Variants in RAB8A observed in about 807,000 individuals in gnomAD.
The protein encoded by RAB8A is ras-related protein Rab-8A.
In RAB8A, 5 loss-of-function variants were observed where a neutral mutation model predicts 29.2. That is an observed-to-expected ratio of 0.17 (90% confidence interval 0.09 to 0.36). RAB8A has a LOEUF of 0.36. Ranked by LOEUF, RAB8A falls within the 10% of genes least tolerant of loss-of-function variation. The probability of loss-of-function intolerance (pLI) is 1.00; values close to 1 mark genes in which losing one functional copy is unlikely to be tolerated. For missense variants in RAB8A, 171 were observed against 272.2 expected (o/e 0.63, Z 2.62); for synonymous variants, 108 against 99.9 (o/e 1.08, Z -0.49).
At chr19:16,112,275 T>A (rs542019171) in intron 1 of RAB8A, 5 of 513,864 alleles carry the variant, frequency 9.7e-6, no homozygotes, top group Middle Eastern at 5.3e-4. Flanking sequence ...CGTTAGGGCG[T>A]GTTATGTCTT....
chr19:16,117,894 G>T (rs2090853629), intron 1 of RAB8A, among the ~76,000 whole-genome samples: 1 of 152,144 alleles, frequency 6.6e-6, no homozygotes, highest in African/African-American at 2.4e-5. Flanking sequence ...GGGGAGCAAG[G>T]GACTCAGGCC....
intron 1 of RAB8A, among the ~76,000 whole-genome samples, chr19:16,117,188 T>C (rs2090849959): frequency 1.3e-5 from 2 of 152,150 alleles, no homozygotes; most frequent in African/African-American, 2.4e-5. Context: ...GTGGACATAC[T>C]AGAAAGTTTG....
chr19:16,115,633 T>C (rs987955984), intron 1 of RAB8A, among the ~76,000 whole-genome samples: 3 of 152,192 alleles, frequency 2.0e-5, no homozygotes, highest in African/African-American at 7.2e-5. Flanking sequence ...CCAGCCATAT[T>C]TTGCCAGTGT....
chr19:16,124,893 CTAG>C (rs2090892042), intron 3 of RAB8A: 2 of 170,030 alleles, frequency 1.2e-5, no homozygotes, highest in Non-Finnish European at 2.6e-5. Flanking sequence ...TTGCTCACGT[CTAG>C]GTTAGGGAAC....
chr19:16,125,418 C>T lies in RAB8A; in HGVS notation c.247-52C>T, dbSNP rs1382609080. 50 of 1,524,330 alleles carry T rather than the reference C, an allele frequency of 3.3e-5. No homozygotes were observed. The highest frequency in any genetic ancestry group is 4.4e-5 in the Non-Finnish European group (48 of 1,102,556). 94.4% of individuals were successfully genotyped at this position (1,524,330 alleles called of 1,614,324 possible). A position where few individuals can be genotyped will look rare whatever the true frequency, so the allele number is the denominator to read the frequency against. ...TGTTCTCTGGTGCCGCTGAGGCCTC[C>T]CTTCCAGAGCCTGCAGCCGATCAGG... On this transcript the variant is annotated intron_variant, in intron 3 of 7. Coordinates refer to ENST00000300935, the MANE Select transcript of RAB8A (RefSeq NM_005370.5). This position sits in a 1 kb window ranked among gnomAD's most constrained non-coding sequence, Gnocchi z 5.0.
intron 1 of RAB8A, among the ~76,000 whole-genome samples, chr19:16,114,680 G>C (rs1350780698): frequency 3.4e-5 from 5 of 149,204 alleles, no homozygotes; most frequent in African/African-American, 1.2e-4. Context: ...GAGCCACCGC[G>C]CCCAGCCCAA....
chr19:16,118,212 C>G lies in RAB8A; in HGVS notation c.125-14C>G. ...GGGCTGACAGTGACGTGCCTTTTTT[C>G]TTTTTTCTTTCAGGAATTGACTTTA... On this transcript the variant is annotated splice_polypyrimidine_tract_variant and intron_variant, in intron 1 of 7. Coordinates refer to ENST00000300935, the MANE Select transcript of RAB8A (RefSeq NM_005370.5). The G allele has an allele frequency of 6.2e-7, 1 of 1,604,290 alleles. No individual in the cohort carries two copies.
chr19:16,120,341 C>G (rs1259201086), intron 2 of RAB8A, among the ~76,000 whole-genome samples: 1 of 124,240 alleles, frequency 8.0e-6, no homozygotes, highest in Non-Finnish European at 1.7e-5. Flanking sequence ...TTGACAAAGT[C>G]TCACTCTGTC....
At chr19:16,118,910 A>G (rs2090859716) in intron 2 of RAB8A, among the ~76,000 whole-genome samples, 1 of 152,188 alleles carries the variant, frequency 6.6e-6, no homozygotes, top group African/African-American at 2.4e-5. Flanking sequence ...GCCTGATTCT[A>G]GTTTGCTGAG....
intron 1 of RAB8A, chr19:16,112,313 CGATCTGTCCTA>C: frequency 2.3e-6 from 1 of 440,948 alleles, no homozygotes; most frequent in South Asian, 2.3e-5. Flanking sequence ...CCCGTCCTCT[CGATCTGTCCTA>C]GCAGCAGCCC....
At chr19:16,113,004 G>C (rs747744447) in intron 1 of RAB8A, among the ~76,000 whole-genome samples, 1 of 152,168 alleles carries the variant, frequency 6.6e-6, no homozygotes, top group Non-Finnish European at 1.5e-5. Context: ...CTATCAAAGG[G>C]CCCAAGACTC....
intron 2 of RAB8A, among the ~76,000 whole-genome samples, 163 bp from the exon 3 acceptor site, chr19:16,121,587 C>T (rs2090875563): frequency 6.6e-6 from 1 of 152,160 alleles, no homozygotes; most frequent in African/African-American, 2.4e-5. Flanking sequence ...AGTGTCCTTC[C>T]CTGTAATAAT....
intron 1 of RAB8A, among the ~76,000 whole-genome samples, chr19:16,113,657 C>A (rs137961216): frequency 4.9e-4 from 75 of 152,330 alleles, no homozygotes; most frequent in African/African-American, 1.8e-3. Flanking sequence ...GCCTTGGCAT[C>A]CCAAAGTGCT....
At chr19:16,126,384 T>C (rs1222765253) in intron 4 of RAB8A, 1 of 152,618 alleles carries the variant, frequency 6.6e-6, no homozygotes, top group Non-Finnish European at 1.5e-5. Flanking sequence ...GAGAGCCTGG[T>C]CTTTGTGAAA....
At chr19:16,117,986 C>G (rs532178860) in intron 1 of RAB8A, among the ~76,000 whole-genome samples, 1 of 152,258 alleles carries the variant, frequency 6.6e-6, no homozygotes, top group South Asian at 2.1e-4. Context: ...GGGACAAGAG[C>G]AGGGCTTTGC....
chr19:16,114,273 AT>A (rs200492517), intron 1 of RAB8A, among the ~76,000 whole-genome samples: 7 of 152,106 alleles, frequency 4.6e-5, no homozygotes, highest in East Asian at 1.9e-4. Context: ...GTCTTAAAAA[AT>A]AATAATAAAA....
chr19:16,127,367 C>A lies in RAB8A; in HGVS notation c.325-70C>A. 1 of 1,026,476 alleles carries A rather than the reference C, an allele frequency of 9.7e-7. No homozygotes were observed. Among genetic ancestry groups the A allele is most frequent in the Non-Finnish European group, 1.3e-6 (1 of 746,096 alleles). 63.6% of individuals were successfully genotyped at this position (1,026,476 alleles called of 1,614,324 possible). ...CACCGCTCTGATTTCTGGGGACAGA[C>A]TGTGTGTTGGCAGAGGCACCTGGCC... On this transcript the variant is annotated intron_variant, in intron 4 of 7. Transcript: ENST00000300935. This position sits in a 1 kb window ranked among gnomAD's most constrained non-coding sequence, Gnocchi z 4.8.
chr19:16,116,575 G>T (rs1182298545), intron 1 of RAB8A, among the ~76,000 whole-genome samples: 1 of 152,148 alleles, frequency 6.6e-6, no homozygotes, highest in Non-Finnish European at 1.5e-5. Context: ...AGTGGCTCAC[G>T]CCTGTAATCC....
chr19:16,128,227 G>A (rs1306004029), intron 6 of RAB8A, 136 bp downstream of exon 6: 1 of 918,074 alleles, frequency 1.1e-6, no homozygotes, highest in Non-Finnish European at 1.7e-6. Flanking sequence ...TCAGTCCTCT[G>A]AGGGACATTT....
Sources: allele counts gnomAD v4.1 joint callset (sites outside exome capture counted in the v4.1 genomes callset), GRCh38; gene constraint gnomAD v4.1.1; non-coding constraint Gnocchi (gnomAD v3.1); transcripts MANE v1.5; gene names NCBI Gene and HGNC (gene_info 2026-07-23, HGNC 2026-07-21).